Variants in SPAG16 observed in about 807,000 individuals in gnomAD.
SPAG16 encodes the protein sperm-associated antigen 16 protein.
In SPAG16, 86 loss-of-function variants were observed where a neutral mutation model predicts 80.4. The ratio of observed to expected loss-of-function variants is 1.07; its 90% CI spans 0.90 to 1.28. The LOEUF (loss-of-function observed/expected upper bound fraction) is 1.28, where lower values mean the gene tolerates loss of function less well. Among genes scored for constraint, SPAG16 ranks in the 50% most tolerant of loss-of-function variants. SPAG16 has a pLI of 0.00. For missense variants in SPAG16, 870 were observed against 765.3 expected, an observed-to-expected ratio of 1.14 and a Z score of -1.61; for synonymous variants, 294 against 265.9, an observed-to-expected ratio of 1.11 and a Z score of -1.03.
At chr2:213,449,229 C>T (rs764430712) in intron 9 of SPAG16, among the ~76,000 whole-genome samples, 2 of 152,022 alleles carry the variant, frequency 1.3e-5, no homozygotes, top group African/African-American at 2.4e-5. Context: ...GTGGTCAGAC[C>T]GGTTCTCTGC....
In SPAG16 at chr2:213,339,453, T is replaced by C. The variant is rs573562962; in HGVS notation, c.537-710T>C. Among the ~76,000 whole-genome samples, 5 of 152,314 alleles carry C rather than the reference T, an allele frequency of 3.3e-5. No individual in the cohort carries two copies. The East Asian group carries it at 9.6e-4, about 29-fold the overall frequency. ...TCACATTATTGTATTGAAACTAATA[T>C]ATTATGGAGGTAAGTGAAACATTCT... On this transcript the variant is annotated intron_variant, in intron 5 of 15. Coordinates refer to ENST00000331683, the MANE Select transcript of SPAG16 (RefSeq NM_024532.5).
chr2:213,802,864 C>A (rs1300183494), intron 10 of SPAG16, among the ~76,000 whole-genome samples: 4 of 151,390 alleles, frequency 2.6e-5, no homozygotes, highest in African/African-American at 9.7e-5. Context: ...AAAAAGTAGA[C>A]TAAAATTGCA....
At chr2:214,131,743 A>G (rs2054794411) in intron 14 of SPAG16, among the ~76,000 whole-genome samples, 2 of 152,226 alleles carry the variant, frequency 1.3e-5, no homozygotes, top group Non-Finnish European at 2.9e-5. Flanking sequence ...ACTATGTGAC[A>G]TTCTGGAAAA....
intron 10 of SPAG16, among the ~76,000 whole-genome samples, chr2:213,749,890 C>T (rs2068005250): frequency 1.3e-5 from 2 of 152,124 alleles, no homozygotes; most frequent in Admixed American, 6.6e-5. Context: ...TGTAGACACT[C>T]AATAAATGTG....
At chr2:214,241,784 C>T (rs1689511937) in intron 15 of SPAG16, among the ~76,000 whole-genome samples, 1 of 152,084 alleles carries the variant, frequency 6.6e-6, no homozygotes, top group South Asian at 2.1e-4. Context: ...AACTTAACAA[C>T]CTTACAGTTA....
intron 10 of SPAG16, among the ~76,000 whole-genome samples, chr2:213,626,280 G>C (rs904205785): frequency 1.3e-5 from 2 of 151,868 alleles, no homozygotes; most frequent in Non-Finnish European, 2.9e-5. Context: ...AAAGCACCAA[G>C]CAAAGATAAC....
intron 10 of SPAG16, among the ~76,000 whole-genome samples, chr2:213,625,833 G>A (rs1000070092): frequency 4.6e-5 from 7 of 151,720 alleles, no homozygotes; most frequent in African/African-American, 1.5e-4. Context: ...AATTACAGGC[G>A]CCCACCACCA....
At chr2:213,879,101 CT>C (rs1449663314) in intron 11 of SPAG16, among the ~76,000 whole-genome samples, 32 of 151,220 alleles carry the variant, frequency 2.1e-4, no homozygotes, top group Admixed American at 1.9e-3. Flanking sequence ...CAAATTTGTT[CT>C]TTTTGCTTAG....
chr2:213,993,123 C>T (rs1021984883), intron 12 of SPAG16, among the ~76,000 whole-genome samples: 5 of 152,262 alleles, frequency 3.3e-5, no homozygotes, highest in African/African-American at 1.2e-4. Context: ...GTATGCTCAG[C>T]GTGAAACTAA....
At chr2:214,320,585 T>TA (rs1461110476) in intron 15 of SPAG16, among the ~76,000 whole-genome samples, 1 of 152,190 alleles carries the variant, frequency 6.6e-6, no homozygotes, top group Non-Finnish European at 1.5e-5. Flanking sequence ...GAAACTTACT[T>TA]ACAATCATGG....
intron 13 of SPAG16, among the ~76,000 whole-genome samples, chr2:214,021,784 C>G (rs2047880508): frequency 1.3e-5 from 2 of 152,146 alleles, no homozygotes; most frequent in Admixed American, 1.3e-4. Context: ...TCATGTTGCA[C>G]AAATCCTGTG....
intron 10 of SPAG16, among the ~76,000 whole-genome samples, chr2:213,861,970 A>G (rs1218447876): frequency 6.6e-6 from 1 of 152,264 alleles, no homozygotes; most frequent in East Asian, 1.9e-4. Context: ...CTTTGTGTAG[A>G]TAGTGGGCCA....
At chr2:214,099,930 T>C (rs1251170894) in intron 13 of SPAG16, among the ~76,000 whole-genome samples, 1 of 152,112 alleles carries the variant, frequency 6.6e-6, no homozygotes, top group African/African-American at 2.4e-5. Flanking sequence ...TTATGCATTT[T>C]AGTGTATGTA....
At chr2:213,804,771 C>T (rs1432023064) in intron 10 of SPAG16, among the ~76,000 whole-genome samples, 3 of 152,176 alleles carry the variant, frequency 2.0e-5, no homozygotes, top group African/African-American at 2.4e-5. Flanking sequence ...AAGCCCTGTG[C>T]GGGATGGTGA....
At chr2:214,317,650 G>T (rs1290777094) in intron 15 of SPAG16, among the ~76,000 whole-genome samples, 1 of 152,318 alleles carries the variant, frequency 6.6e-6, no homozygotes, top group East Asian at 1.9e-4. Flanking sequence ...TAATTCATCA[G>T]TTTAACAATG....
At chr2:213,773,840 C>G (rs1363490292) in intron 10 of SPAG16, among the ~76,000 whole-genome samples, 1 of 152,192 alleles carries the variant, frequency 6.6e-6, no homozygotes, top group African/African-American at 2.4e-5. Flanking sequence ...GCATGAGCCA[C>G]CAAGCCTGGC....
chr2:213,936,873 T>C (rs2079013275), intron 12 of SPAG16, among the ~76,000 whole-genome samples: 1 of 152,172 alleles, frequency 6.6e-6, no homozygotes, highest in Non-Finnish European at 1.5e-5. Flanking sequence ...TTCCTTTTTA[T>C]TTTAATAATT....
At chr2:213,349,675 C>A (rs2125037990) in intron 6 of SPAG16, among the ~76,000 whole-genome samples, 1 of 152,196 alleles carries the variant, frequency 6.6e-6, no homozygotes, top group Non-Finnish European at 1.5e-5. Flanking sequence ...TGGATAACCA[C>A]ATTGTGGAAT....
chr2:214,246,083 T>G (rs1174652239), intron 15 of SPAG16, among the ~76,000 whole-genome samples: 1 of 152,046 alleles, frequency 6.6e-6, no homozygotes, highest in Non-Finnish European at 1.5e-5. Context: ...TTATATTAAC[T>G]GTTTCTAGGT....
Sources: gnomAD v4.1 joint callset for allele counts (sites outside exome capture counted in the v4.1 genomes callset) on GRCh38, gnomAD v4.1.1 for gene constraint, MANE v1.5 for transcripts, NCBI Gene and HGNC (gene_info 2026-07-23, HGNC 2026-07-21) for gene names.